ANKRD2: variants seen among roughly 807,000 people sequenced by gnomAD.
The protein encoded by ANKRD2 is ankyrin repeat domain 2.
A neutral mutation model predicts 37.3 loss-of-function variants in ANKRD2; 35 were observed. The observed-to-expected ratio is 0.94, with a 90% CI of 0.72 to 1.24. The LOEUF (loss-of-function observed/expected upper bound fraction) is 1.24. Among genes scored for constraint, ANKRD2 ranks in the 50% most tolerant of loss-of-function variants. The probability of loss-of-function intolerance (pLI) is 0.00; values close to 1 mark genes in which losing one functional copy is unlikely to be tolerated. For synonymous variants in ANKRD2, 159 were observed against 186.5 expected, an observed-to-expected ratio of 0.85 and a Z score of 1.20; for missense variants, 410 against 445.6, an observed-to-expected ratio of 0.92 and a Z score of 0.72.
chr10:97,577,781 G>T lies in ANKRD2; in HGVS notation c.88-19G>T. ...TGTCTCCTCGGGTCCTGGAGAAGGT[G>T]CCCTCTTTGGATCACCAGAAACTCC... On this transcript the variant is annotated intron_variant, in intron 1 of 8. Coordinates refer to ENST00000370655, the MANE Select transcript of ANKRD2 (RefSeq NM_001346793.2). 1 of 1,542,216 alleles carries T rather than the reference G, an allele frequency of 6.5e-7. No homozygotes were observed. Among genetic ancestry groups the T allele is most frequent in the Non-Finnish European group, 8.8e-7 (1 of 1,141,258 alleles).
At chr10:97,572,546 C>T (rs2040770298), upstream of ANKRD2, 1 of 877,110 alleles carries the variant, frequency 1.1e-6, no homozygotes, top group Non-Finnish European at 1.7e-6. Flanking sequence ...CTCCTTCCTG[C>T]ACCCCTGCTC....
chr10:97,581,275 T>G, intron 5 of ANKRD2, 41 bp from the exon 6 acceptor site: 1 of 1,590,368 alleles, frequency 6.3e-7, no homozygotes. Flanking sequence ...AATACTTTCT[T>G]CCCTGCAGCT....
intron 8 of ANKRD2, 28 bp downstream of exon 8, chr10:97,582,730 C>G: frequency 6.2e-7 from 1 of 1,605,468 alleles, no homozygotes; most frequent in Non-Finnish European, 8.5e-7. Flanking sequence ...TTGATTCAGT[C>G]ACTGGCGTGA....
rs998221400 is a variant in ANKRD2, at chr10:97,572,915, G to T, written c.87+40G>T. 2.6e-6 allele frequency: 4 copies of T among 1,535,650 alleles called. No homozygotes were observed. The African/African-American group carries it at 5.5e-5, about 21-fold the overall frequency. Reference sequence around the variant, plus strand: ...GGAGGTGCCCAAGGGGGTCTGAGGAGATCCAGTTCTGCTGTCAAGGGGAGG... The same window carrying T: ...GGAGGTGCCCAAGGGGGTCTGAGGATATCCAGTTCTGCTGTCAAGGGGAGG... On this transcript the variant is annotated intron_variant, in intron 1 of 8. Transcript: ENST00000370655.
intron 2 of ANKRD2, 60 bp from the exon 3 acceptor site, chr10:97,578,180 T>A: frequency 1.6e-6 from 1 of 609,828 alleles, no homozygotes; most frequent in Admixed American, 2.9e-5. Flanking sequence ...AGCTCAGAGG[T>A]CTCCCAAGCC....
chr10:97,572,598 G>T (rs41290450), upstream of ANKRD2: 4 of 1,348,666 alleles, frequency 3.0e-6, no homozygotes, highest in Non-Finnish European at 3.0e-6. Flanking sequence ...CCAGGAGTTG[G>T]GGGGGCAACT....
chr10:97,582,205 C>A, intron 6 of ANKRD2, 110 bp from the exon 7 acceptor site: 1 of 859,484 alleles, frequency 1.2e-6, no homozygotes, highest in South Asian at 1.6e-5. Flanking sequence ...CAGGCCTTGG[C>A]ACTAGGACTT....
In ANKRD2 at chr10:97,583,816, A is replaced by G; in HGVS notation, c.*91A>G. The G allele has an allele frequency of 7.3e-7, 1 of 1,370,798 alleles. No individual in the cohort carries two copies. Among genetic ancestry groups the G allele is most frequent in the Non-Finnish European group, 9.5e-7 (1 of 1,050,366 alleles). The allele number at this position is 1,370,798 out of a possible 1,614,324, so 84.9% of individuals were successfully genotyped here. On this transcript the variant is annotated 3_prime_UTR_variant, in exon 9 of 9. Coordinates refer to ENST00000370655, the MANE Select transcript of ANKRD2 (RefSeq NM_001346793.2). ...GGCTCCCGGAGCTAACTGAGGGCCC[A>G]GCCTTTTTTCTGCATGATCCAGGAG...
intron 1 of ANKRD2, 89 bp downstream of exon 1, chr10:97,572,964 G>T (rs1232739498): frequency 4.8e-6 from 7 of 1,467,748 alleles, no homozygotes; most frequent in Non-Finnish European, 4.6e-6. Flanking sequence ...CTACACCTGT[G>T]GTGGGGAGGG....
chr10:97,583,548 C>A (rs1268081024), intron 8 of ANKRD2, 28 bp from the exon 9 acceptor site: 11 of 1,554,674 alleles, frequency 7.1e-6, no homozygotes, highest in South Asian at 2.4e-5. Context: ...CTCTTGCCAA[C>A]CCCCACGCCC....
At chr10:97,582,530 C>T in intron 7 of ANKRD2, 74 bp from the exon 8 acceptor site, 1 of 1,572,696 alleles carries the variant, frequency 6.4e-7, no homozygotes, top group African/African-American at 1.3e-5. Flanking sequence ...AGCAGGGTCT[C>T]CAGCCCACCT....
intron 1 of ANKRD2, among the ~76,000 whole-genome samples, chr10:97,573,339 G>A (rs1450108858): frequency 5.9e-5 from 9 of 152,218 alleles, no homozygotes; most frequent in Admixed American, 5.9e-4. Flanking sequence ...CCACCCTTGG[G>A]GAGTCCTTTG....
chr10:97,578,163 C>A, intron 2 of ANKRD2, 77 bp from the exon 3 acceptor site: 6 of 1,370,552 alleles, frequency 4.4e-6, no homozygotes, highest in Admixed American at 2.1e-5. Flanking sequence ...ACCCTCCCCA[C>A]CAGCTTAGCT....
chr10:97,574,490 G>A (rs2040799232), intron 1 of ANKRD2, among the ~76,000 whole-genome samples: 1 of 152,214 alleles, frequency 6.6e-6, no homozygotes, highest in Admixed American at 6.5e-5. Context: ...AGAGGGCCAT[G>A]TAAAAGATAT....
At chr10:97,577,933 A>G (rs959804537) in intron 2 of ANKRD2, 32 bp downstream of exon 2, 3 of 1,532,412 alleles carry the variant, frequency 2.0e-6, no homozygotes, top group Non-Finnish European at 2.6e-6. Context: ...GTCTGCACCC[A>G]GGGGACCAGC....
rs541569245 is a variant in ANKRD2 at position 97,572,800 on chromosome 10, C to T, written c.12C>T (p.Thr4=). ...CTGCAGAGGCGGTTATGGACGGCACCATGGAGGACTCCGAGGCGGTGCAGA... is the reference window on the plus strand; with the variant it reads ...CTGCAGAGGCGGTTATGGACGGCACTATGGAGGACTCCGAGGCGGTGCAGA... MDG[T]MEDSEAVQRA... The change falls in exon 1 of 9, where the codon ACC becomes ACT. Residue 4 remains threonine (T), a synonymous_variant. Coordinates refer to ENST00000370655, the MANE Select transcript of ANKRD2 (RefSeq NM_001346793.2). 2 of 1,583,132 alleles carry T rather than the reference C, an allele frequency of 1.3e-6. No individual in the cohort carries two copies. Among genetic ancestry groups the T allele is most frequent in the African/African-American group, 1.3e-5 (1 of 74,608 alleles).
chr10:97,582,179 C>T (rs1156905409), intron 6 of ANKRD2, 136 bp from the exon 7 acceptor site: 3 of 672,828 alleles, frequency 4.5e-6, no homozygotes, highest in South Asian at 1.8e-5. Context: ...GTACCATTCT[C>T]TGCCCCTCCA....
upstream of ANKRD2, chr10:97,572,734 G>T (rs758493989): frequency 1.5e-5 from 24 of 1,604,828 alleles, no homozygotes; most frequent in Non-Finnish European, 2.0e-5. Flanking sequence ...GCTGGGCAGG[G>T]GTGGGTGCTC....
chr10:97,578,144 GCC>G, intron 2 of ANKRD2, 94 bp from the exon 3 acceptor site: 1 of 685,446 alleles, frequency 1.5e-6, no homozygotes, highest in East Asian at 2.7e-5. Context: ...GGGTCTTCCT[GCC>G]CACCCCACCC....
Sources: gnomAD v4.1 joint callset for allele counts (sites outside exome capture counted in the v4.1 genomes callset) on GRCh38, gnomAD v4.1.1 for gene constraint, MANE v1.5 for transcripts, NCBI Gene and HGNC (gene_info 2026-07-23, HGNC 2026-07-21) for gene names.